Variants in SPDEF observed in about 807,000 individuals in gnomAD.
The protein encoded by SPDEF is SAM pointed domain containing ETS transcription factor, also known as SAM pointed domain-containing Ets transcription factor.
In SPDEF, 12 loss-of-function variants were observed where a neutral mutation model predicts 36.0. The observed-to-expected ratio is 0.33, with a 90% CI of 0.21 to 0.54. The LOEUF (loss-of-function observed/expected upper bound fraction) is 0.54. SPDEF is among the 20% of genes least tolerant of loss of function. The pLI is 0.93. For synonymous variants in SPDEF, 205 were observed against 193.0 expected (o/e 1.06, Z -0.51); for missense variants, 388 against 456.9 (o/e 0.85, Z 1.37).
chr6:34,554,876 GA>G (rs774958388), intron 1 of SPDEF, among the ~76,000 whole-genome samples: 1 of 152,202 alleles, frequency 6.6e-6, no homozygotes, highest in African/African-American at 2.4e-5. Context: ...CTTTATTGGG[GA>G]GGTTGCGGCA....
At chr6:34,541,776 C>T (rs78490627) in intron 2 of SPDEF, among the ~76,000 whole-genome samples, 10,177 of 152,294 alleles carry the variant, frequency 0.067, 653 homozygotes, top group African/African-American at 0.16. Flanking sequence ...CACAGGGTGG[C>T]CATGGGGCAG....
At position 34,538,458 on chromosome 6, in the gene SPDEF, G is replaced by A. The variant is rs182272918; in HGVS notation, c.830-6C>T. On this transcript the variant is annotated splice_region_variant and splice_polypyrimidine_tract_variant and intron_variant, in intron 5 of 5. Transcript: ENST00000374037. This position sits in a 1 kb window ranked among gnomAD's most constrained non-coding sequence, Gnocchi z 5.9. ...GTCCTCAATTTTGAAGATGCCTAGAGCAGGAGGGCCCCGAGAGAGCCAGTG... is the reference window on the plus strand; with the variant it reads ...GTCCTCAATTTTGAAGATGCCTAGAACAGGAGGGCCCCGAGAGAGCCAGTG... The A allele has an allele frequency of 6.6e-4, 1,069 of 1,608,278 alleles. 13 individuals are homozygous for A. The Admixed American group carries it at 0.016, about 24-fold the overall frequency.
At chr6:34,543,921 G>T in intron 2 of SPDEF, 99 bp downstream of exon 2, 1 of 1,203,664 alleles carries the variant, frequency 8.3e-7, no homozygotes, top group Non-Finnish European at 1.2e-6. Context: ...CTGGGCCAGA[G>T]GTGGCCAGAG....
intron 1 of SPDEF, among the ~76,000 whole-genome samples, chr6:34,551,108 G>C (rs1205080890): frequency 6.6e-6 from 1 of 152,212 alleles, no homozygotes; most frequent in African/African-American, 2.4e-5. Flanking sequence ...TGAGTGAGCA[G>C]GGACTCGAAC....
At chr6:34,553,302 G>C (rs1387380495) in intron 1 of SPDEF, among the ~76,000 whole-genome samples, 1 of 152,134 alleles carries the variant, frequency 6.6e-6, no homozygotes, top group African/African-American at 2.4e-5. Flanking sequence ...AAGGAGCTTG[G>C]CATTAAATGT....
In SPDEF at chr6:34,539,566, C is replaced by A; in HGVS notation, c.635-4G>T. 1 of 1,567,042 alleles carries A rather than the reference C, an allele frequency of 6.4e-7. No individual in the cohort carries two copies. Among genetic ancestry groups the A allele is most frequent in the Non-Finnish European group, 8.6e-7 (1 of 1,156,602 alleles). Reference sequence around the variant, plus strand: ...GTCCGCTCTTTCATCCAGGCCGCTGCAGGGCAAGGAGAGGGGGTTGGGGAC... The same window carrying A: ...GTCCGCTCTTTCATCCAGGCCGCTGAAGGGCAAGGAGAGGGGGTTGGGGAC... On this transcript the variant is annotated splice_region_variant and splice_polypyrimidine_tract_variant and intron_variant, in intron 3 of 5. Coordinates refer to ENST00000374037, the MANE Select transcript of SPDEF (RefSeq NM_012391.3). The surrounding 1 kb of genome is among the most constrained non-coding windows in gnomAD (Gnocchi z 5.2).
Position 34,539,720 on chromosome 6 carries a change from G to T in SPDEF, c.635-158C>A, listed in dbSNP as rs1767778666. 6.6e-6 allele frequency among the ~76,000 whole-genome samples: 1 copy of T among 152,222 alleles called. No homozygotes were observed. Among genetic ancestry groups the T allele is most frequent in the Non-Finnish European group, 1.5e-5 (1 of 68,024 alleles). On this transcript the variant is annotated intron_variant, in intron 3 of 5. Transcript: ENST00000374037. The surrounding 1 kb of genome is among the most constrained non-coding windows in gnomAD (Gnocchi z 5.2). ...CCTGCCAACCTGGGGAGGCAAGCTG[G>T]TTACAAGAAGCTGCTTCCTGGAAGA... is the stretch of plus-strand genomic sequence containing the variant.
In SPDEF at chr6:34,544,152, C is replaced by T; in HGVS notation, c.304G>A (p.Ala102Thr). The T allele has an allele frequency of 1.2e-6, 2 of 1,613,916 alleles. No homozygotes were observed. Among genetic ancestry groups the T allele is most frequent in the Admixed American group, 1.7e-5 (1 of 59,998 alleles). The change falls in exon 2 of 6, where the codon GCG becomes ACG. Residue 102 changes from alanine (A) to threonine (T), a missense_variant. Coordinates refer to ENST00000374037, the MANE Select transcript of SPDEF (RefSeq NM_012391.3). The surrounding 1 kb of genome is among the most constrained non-coding windows in gnomAD (Gnocchi z 4.4). ...QCPVIDSQAPAGSLDLVPGGL... is the reference protein window; with the variant it reads ...QCPVIDSQAPTGSLDLVPGGL... ...CCGGGCACCAAGTCCAGGCTGCCCGCTGGGGCTTGGCTGTCAATGACCGGG... is the reference window on the plus strand; with the variant it reads ...CCGGGCACCAAGTCCAGGCTGCCCGTTGGGGCTTGGCTGTCAATGACCGGG...
chr6:34,543,010 G>A (rs968134330), intron 2 of SPDEF, among the ~76,000 whole-genome samples: 35 of 150,782 alleles, frequency 2.3e-4, no homozygotes, highest in Admixed American at 1.9e-3. Flanking sequence ...TGGCTAACAC[G>A]GTGAAACCCT....
intron 2 of SPDEF, 145 bp downstream of exon 2, chr6:34,543,875 G>C: frequency 1.4e-6 from 1 of 729,378 alleles, no homozygotes; most frequent in Non-Finnish European, 2.2e-6. Context: ...AGCTGACTGT[G>C]TGTAGAAGTG....
chr6:34,544,426 G>A lies in SPDEF; in HGVS notation c.30C>T (p.Ser10=), dbSNP rs750425041. 19 of 1,578,412 alleles carry A rather than the reference G, an allele frequency of 1.2e-5. No individual in the cohort carries two copies. The highest frequency in any genetic ancestry group is 2.7e-5 in the African/African-American group (2 of 74,340). Residue 10 remains serine (S), a synonymous_variant, in exon 2 of 6, where the codon AGC becomes AGT. Coordinates refer to ENST00000374037, the MANE Select transcript of SPDEF (RefSeq NM_012391.3). The surrounding 1 kb of genome is among the most constrained non-coding windows in gnomAD (Gnocchi z 4.4). ...GCAGCAGGAGGTGGCTGGGGGATAC[G>A]CTGCTCAGACCCGGGCTGGCGCTGC... MGSASPGLS[S]VSPSHLLLPP...
rs763320768 is a variant in SPDEF, at chr6:34,539,448, C to T, written c.683-52G>A. ...AGTGGGAATGGGAGGCCAGTCCCGG[C>T]TTCATTGGCAGCCACCCCTCCACCC... On this transcript the variant is annotated intron_variant, in intron 4 of 5. Coordinates refer to ENST00000374037, the MANE Select transcript of SPDEF (RefSeq NM_012391.3). This position sits in a 1 kb window ranked among gnomAD's most constrained non-coding sequence, Gnocchi z 5.2. The T allele has an allele frequency of 9.9e-6, 16 of 1,611,256 alleles. No individual in the cohort carries two copies. Among genetic ancestry groups the T allele is most frequent in the Non-Finnish European group, 1.3e-5 (15 of 1,179,776 alleles).
intron 1 of SPDEF, among the ~76,000 whole-genome samples, chr6:34,547,371 C>G (rs1185740002): frequency 6.6e-6 from 1 of 152,154 alleles, no homozygotes; most frequent in African/African-American, 2.4e-5. Flanking sequence ...AAAGGCAGCA[C>G]AGGCCTTACT....
chr6:34,547,521 ATGCCTGGCTAATTTTTAAAATC>A (rs1767979832), intron 1 of SPDEF, among the ~76,000 whole-genome samples: 1 of 151,964 alleles, frequency 6.6e-6, no homozygotes, highest in Non-Finnish European at 1.5e-5. Flanking sequence ...GTGTGCCATC[ATGCCTGGCTAATTTTTAAAATC>A]TGTTGTAGAG....
At chr6:34,541,794 C>T (rs1159069922) in intron 2 of SPDEF, among the ~76,000 whole-genome samples, 2 of 152,234 alleles carry the variant, frequency 1.3e-5, no homozygotes, top group East Asian at 1.9e-4. Flanking sequence ...CAGCCACAGG[C>T]CCCAGAGGCC....
chr6:34,555,088 C>T lies in SPDEF; in HGVS notation c.-30+841G>A, dbSNP rs927363115. On this transcript the variant is annotated intron_variant, in intron 1 of 5. Coordinates refer to ENST00000374037, the MANE Select transcript of SPDEF (RefSeq NM_012391.3). The surrounding 1 kb of genome is among the most constrained non-coding windows in gnomAD (Gnocchi z 5.2). ...CACACATGCACATGCAACACGCACG[C>T]GCACATGCACACACCACACACACAC... 2.1e-4 allele frequency among the ~76,000 whole-genome samples: 32 copies of T among 151,980 alleles called. No homozygotes were observed. Among genetic ancestry groups the T allele is most frequent in the African/African-American group, 4.1e-4 (17 of 41,454 alleles).
At chr6:34,553,745 G>A (rs1036614981) in intron 1 of SPDEF, among the ~76,000 whole-genome samples, 2 of 152,042 alleles carry the variant, frequency 1.3e-5, no homozygotes, top group African/African-American at 4.8e-5. Flanking sequence ...GGGGAGTAGA[G>A]GGAGTGGGCG....
intron 2 of SPDEF, among the ~76,000 whole-genome samples, chr6:34,543,552 A>G (rs887797845): frequency 6.6e-6 from 1 of 152,030 alleles, no homozygotes; most frequent in South Asian, 2.1e-4. Flanking sequence ...ATGGGCAGCA[A>G]TTTTAATGGA....
At position 34,538,149 on chromosome 6, in the gene SPDEF, T is replaced by C. The variant is rs1252664416; in HGVS notation, c.*125A>G. The C allele has an allele frequency of 9.0e-6, 10 of 1,113,420 alleles. No individual in the cohort carries two copies. In the Admixed American group the frequency reaches 2.6e-4, roughly 29 times the overall value. 69.0% of individuals were successfully genotyped at this position (1,113,420 alleles called of 1,614,324 possible). On this transcript the variant is annotated 3_prime_UTR_variant, in exon 6 of 6. Coordinates refer to ENST00000374037, the MANE Select transcript of SPDEF (RefSeq NM_012391.3). The surrounding 1 kb of genome is among the most constrained non-coding windows in gnomAD (Gnocchi z 5.9). Reference sequence around the variant, plus strand: ...GGCAGTTGGTTGCCCCTCCCTGACCTTGGGCTCTGGAAGGTCAGAGCAGCA... The same window carrying C: ...GGCAGTTGGTTGCCCCTCCCTGACCCTGGGCTCTGGAAGGTCAGAGCAGCA...
Sources: gnomAD v4.1 joint callset for allele counts (sites outside exome capture counted in the v4.1 genomes callset) on GRCh38, gnomAD v4.1.1 for gene constraint, Gnocchi (gnomAD v3.1) non-coding constraint, MANE v1.5 for transcripts, NCBI Gene and HGNC (gene_info 2026-07-23, HGNC 2026-07-21) for gene names.